NRXN1: variants seen among roughly 807,000 people sequenced by gnomAD.
NRXN1 encodes neurexin-1.
NRXN1 carries 39 observed loss-of-function variants against 150.9 expected under a neutral mutation model. The ratio of observed to expected loss-of-function variants is 0.26; its 90% confidence interval spans 0.20 to 0.34. The LOEUF (loss-of-function observed/expected upper bound fraction) is 0.34, where lower values mean the gene tolerates loss of function less well. NRXN1 is among the 10% of genes least tolerant of loss of function. NRXN1 has a pLI of 1.00. For synonymous variants in NRXN1, 924 were observed against 757.0 expected (o/e 1.22, Z -3.62); for missense variants, 1,815 against 1,949.9 (o/e 0.93, Z 1.30).
intron 18 of NRXN1, among the ~76,000 whole-genome samples, chr2:50,179,493 G>C (rs968179685): frequency 6.6e-6 from 1 of 152,096 alleles, no homozygotes; most frequent in Admixed American, 6.6e-5. Context: ...CTGAACTTGG[G>C]AAACCATTTT....
intron 5 of NRXN1, among the ~76,000 whole-genome samples, chr2:50,723,331 T>C (rs1375753168): frequency 1.3e-5 from 2 of 152,216 alleles, no homozygotes; most frequent in Non-Finnish European, 2.9e-5. Flanking sequence ...TCTTGTCGGT[T>C]TTGAAGAACT....
At chr2:50,765,708 G>A (rs1306245603) in intron 5 of NRXN1, among the ~76,000 whole-genome samples, 1 of 152,042 alleles carries the variant, frequency 6.6e-6, no homozygotes, top group Non-Finnish European at 1.5e-5. Flanking sequence ...ATTCAGCCAT[G>A]CTCCTTCTAA....
intron 5 of NRXN1, among the ~76,000 whole-genome samples, chr2:50,635,774 G>C (rs377061555): frequency 3.3e-4 from 51 of 152,302 alleles, no homozygotes; most frequent in African/African-American, 1.1e-3. Flanking sequence ...AGGGAGGTGG[G>C]AAGTGGGGAG....
intron 19 of NRXN1, among the ~76,000 whole-genome samples, chr2:50,082,442 A>G (rs1698109512): frequency 6.6e-6 from 1 of 152,202 alleles, no homozygotes; most frequent in African/African-American, 2.4e-5. Flanking sequence ...ATGAAATTTT[A>G]TGAAGGGCTG....
chr2:50,421,639 C>A (rs1032085652), intron 17 of NRXN1, among the ~76,000 whole-genome samples: 4 of 152,122 alleles, frequency 2.6e-5, no homozygotes, highest in East Asian at 1.9e-4. Context: ...TTTAAAACCA[C>A]TGAACTATGT....
chr2:50,125,092 T>C (rs1420732599), intron 18 of NRXN1, among the ~76,000 whole-genome samples: 1 of 152,144 alleles, frequency 6.6e-6, no homozygotes, highest in African/African-American at 2.4e-5. Flanking sequence ...CTCCTTGAAA[T>C]AGTAAATTAT....
At chr2:50,342,457 A>G (rs1274868630) in intron 17 of NRXN1, among the ~76,000 whole-genome samples, 1 of 152,228 alleles carries the variant, frequency 6.6e-6, no homozygotes, top group Non-Finnish European at 1.5e-5. Flanking sequence ...ATTAAACATT[A>G]AAGCTAAATA....
At chr2:50,334,145 T>G (rs1307881591) in intron 17 of NRXN1, among the ~76,000 whole-genome samples, 2 of 146,602 alleles carry the variant, frequency 1.4e-5, no homozygotes, top group Non-Finnish European at 3.0e-5. Flanking sequence ...CCAACTTAAC[T>G]AAGAATTAGG....
intron 21 of NRXN1, among the ~76,000 whole-genome samples, chr2:50,014,197 A>G (rs981346317): frequency 6.6e-6 from 1 of 151,844 alleles, no homozygotes; most frequent in East Asian, 1.9e-4. Flanking sequence ...GGACATTCCG[A>G]TTTAATAAGT....
chr2:50,579,566 T>C (rs902665485), intron 8 of NRXN1, among the ~76,000 whole-genome samples: 7 of 152,184 alleles, frequency 4.6e-5, no homozygotes, highest in Non-Finnish European at 1.5e-5. Flanking sequence ...GGAGGATCGC[T>C]TAACTCTGGG....
At chr2:50,675,283 C>T (rs571792025) in intron 5 of NRXN1, among the ~76,000 whole-genome samples, 1 of 152,224 alleles carries the variant, frequency 6.6e-6, no homozygotes, top group East Asian at 1.9e-4. Flanking sequence ...ACTATAAATG[C>T]TATTTGTGAA....
intron 17 of NRXN1, among the ~76,000 whole-genome samples, chr2:50,343,334 T>G (rs1049840800): frequency 6.6e-6 from 1 of 152,172 alleles, no homozygotes; most frequent in Non-Finnish European, 1.5e-5. Flanking sequence ...ATATGGCACA[T>G]CACATAAGCA....
rs143216183 is a variant in NRXN1, at chr2:50,273,955, G to C, written c.3365-36985C>G. The stretch of plus-strand genomic sequence containing the variant: ...AGTGTAAATTAGTTCAGCCATTGTG[G>C]AAGACAGTGTGGCTATTCCTCAAGG... On this transcript the variant is annotated intron_variant, in intron 17 of 22. Coordinates refer to ENST00000401669, the MANE Select transcript of NRXN1 (RefSeq NM_001330078.2). Among the ~76,000 whole-genome samples, 1,143 of 152,142 alleles carry C rather than the reference G, an allele frequency of 7.5e-3. 14 individuals are homozygous for C. Among genetic ancestry groups the C allele is most frequent in the African/African-American group, 0.026 (1,072 of 41,516 alleles).
intron 5 of NRXN1, among the ~76,000 whole-genome samples, chr2:50,823,045 T>A (rs1163827038): frequency 6.6e-6 from 1 of 152,176 alleles, no homozygotes; most frequent in Admixed American, 6.5e-5. Flanking sequence ...ACGTCAATAA[T>A]CAATGTGCAC....
chr2:50,657,451 T>C (rs1354312874), intron 5 of NRXN1, among the ~76,000 whole-genome samples: 1 of 152,044 alleles, frequency 6.6e-6, no homozygotes, highest in Non-Finnish European at 1.5e-5. Flanking sequence ...TTTTCGTCCA[T>C]CTCCTACAGT....
Position 49,921,353 on chromosome 2 carries a change from A to G in NRXN1, c.*591T>C, listed in dbSNP as rs796266427. ...TACTTTTTTTTCCTCTCTCACAACCAGAAAGGGGCTTTTTGAATGTGTTCC... is the reference window on the plus strand; with the variant it reads ...TACTTTTTTTTCCTCTCTCACAACCGGAAAGGGGCTTTTTGAATGTGTTCC... On this transcript the variant is annotated 3_prime_UTR_variant, in exon 23 of 23. Coordinates refer to ENST00000401669, the MANE Select transcript of NRXN1 (RefSeq NM_001330078.2). 8 of 152,684 alleles carry G rather than the reference A, an allele frequency of 5.2e-5. 1 individual carries two copies. The highest frequency in any genetic ancestry group is 1.9e-4 in the African/African-American group (8 of 41,536). 9.5% of individuals were successfully genotyped at this position (152,684 alleles called of 1,614,324 possible). A position where few individuals can be genotyped will look rare whatever the true frequency, so the allele number is the denominator to read the frequency against.
At chr2:50,489,675 G>A (rs930142441) in intron 15 of NRXN1, among the ~76,000 whole-genome samples, 4 of 152,062 alleles carry the variant, frequency 2.6e-5, no homozygotes, top group Admixed American at 6.5e-5. Context: ...TATAGTTGGA[G>A]GGAGTTGATA....
At chr2:50,581,329 C>T (rs1672231499) in intron 8 of NRXN1, among the ~76,000 whole-genome samples, 1 of 152,138 alleles carries the variant, frequency 6.6e-6, no homozygotes, top group Non-Finnish European at 1.5e-5. Flanking sequence ...CATGCCAAAA[C>T]CCTAATAATG....
At chr2:50,197,563 C>T (rs993681928) in intron 18 of NRXN1, among the ~76,000 whole-genome samples, 8 of 152,014 alleles carry the variant, frequency 5.3e-5, no homozygotes, top group African/African-American at 1.9e-4. Flanking sequence ...TGATGTTTTG[C>T]TTTAAAAAGT....
Sources: gnomAD v4.1 joint callset for allele counts (sites outside exome capture counted in the v4.1 genomes callset) on GRCh38, gnomAD v4.1.1 for gene constraint, MANE v1.5 for transcripts, NCBI Gene and HGNC (gene_info 2026-07-23, HGNC 2026-07-21) for gene names.